The following TAF4B variants were observed in gnomAD, a reference collection of about 807,000 sequenced individuals.
TAF4B encodes transcription initiation factor TFIID subunit 4B.
TAF4B carries 38 observed loss-of-function variants against 86.4 expected under a neutral mutation model. That is an observed-to-expected ratio of 0.44 (90% CI 0.34 to 0.58). TAF4B has a LOEUF of 0.58. Ranked by LOEUF, TAF4B falls within the 20% of genes least tolerant of loss-of-function variation. The pLI is 0.02. For synonymous variants in TAF4B, 388 were observed against 391.2 expected, an observed-to-expected ratio of 0.99 and a Z score of 0.10; for missense variants, 988 against 1,027.6, an observed-to-expected ratio of 0.96 and a Z score of 0.53.
At chr18:26,235,400 A>G (rs2055734173) in intron 1 of TAF4B, among the ~76,000 whole-genome samples, 1 of 152,176 alleles carries the variant, frequency 6.6e-6, no homozygotes, top group African/African-American at 2.4e-5. Context: ...CCTCTGGCTA[A>G]GATTAGGCGT....
intron 14 of TAF4B, among the ~76,000 whole-genome samples, chr18:26,375,586 A>G (rs770969090): frequency 3.3e-5 from 5 of 152,124 alleles, no homozygotes; most frequent in Non-Finnish European, 7.4e-5. Context: ...TAAAAATTTT[A>G]TTACTGCCAT....
chr18:26,372,422 C>T (rs1394971053), intron 14 of TAF4B, among the ~76,000 whole-genome samples: 2 of 152,164 alleles, frequency 1.3e-5, no homozygotes, highest in Non-Finnish European at 2.9e-5. Context: ...CAAATCTATA[C>T]AATCCCTGAC....
intron 13 of TAF4B, among the ~76,000 whole-genome samples, chr18:26,356,742 A>T (rs2057291167): frequency 6.6e-6 from 1 of 151,292 alleles, no homozygotes; most frequent in Non-Finnish European, 1.5e-5. Flanking sequence ...CTTCTGAAAA[A>T]GCTTAGGGAT....
chr18:26,344,385 AAAAC>A (rs1360354186), intron 13 of TAF4B, among the ~76,000 whole-genome samples: 5 of 152,002 alleles, frequency 3.3e-5, no homozygotes, highest in Admixed American at 2.0e-4. Context: ...AAAAGGGAAA[AAAAC>A]CTGTGGAGAT....
In TAF4B at chr18:26,231,034, C is replaced by CTTTTTTTTTTTT. The variant is rs536863843; in HGVS notation, c.343+3772_343+3783dup. Among the ~76,000 whole-genome samples the CTTTTTTTTTTTT allele has an allele frequency of 3.0e-3, 197 of 66,154 alleles. 11 individuals are homozygous for CTTTTTTTTTTTT. Among genetic ancestry groups the CTTTTTTTTTTTT allele is most frequent in the Non-Finnish European group, 4.2e-3 (150 of 35,552 alleles). The allele number at this position is 66,154 out of a possible 152,430, so 43.4% of individuals were successfully genotyped here. On this transcript the variant is annotated intron_variant, in intron 1 of 14. Transcript: ENST00000269142. ...GACAAACTTGTGGTGTGTTGTTTTG[C>CTTTTTTTTTTTT]TTTTTTTTTTTTTTTTTTTTTTTTT...
At chr18:26,312,823 G>A (rs1400945726) in intron 9 of TAF4B, among the ~76,000 whole-genome samples, 1 of 152,190 alleles carries the variant, frequency 6.6e-6, no homozygotes, top group Admixed American at 6.5e-5. Context: ...CTTTAAAGCA[G>A]GGATGAGGTT....
At chr18:26,266,746 C>T (rs2056245208) in intron 2 of TAF4B, 2 of 152,316 alleles carry the variant, frequency 1.3e-5, no homozygotes, top group Middle Eastern at 3.4e-3. Context: ...CCTGTAGTCC[C>T]AGCTACGCGG....
In TAF4B at chr18:26,274,757, C is replaced by G; in HGVS notation, c.692C>G (p.Ser231Cys). Residue 231 changes from serine (S) to cysteine (C), a missense_variant, in exon 4 of 15, where the codon TCC (serine) becomes TGC (cysteine). Physicochemically the swap from Ser to Cys is moderately radical, Grantham distance 112. Transcript: ENST00000269142. ...AAGCCTTCAAGTTTGGGAGCATCATCCACTCCTTCAAATGAGCCCAATCTT... is the reference window on the plus strand; with the variant it reads ...AAGCCTTCAAGTTTGGGAGCATCATGCACTCCTTCAAATGAGCCCAATCTT... ...TLKPSSLGASSTPSNEPNLKA... is the reference protein window; with the variant it reads ...TLKPSSLGASCTPSNEPNLKA... 1 of 1,614,158 alleles carries G rather than the reference C, an allele frequency of 6.2e-7. No individual in the cohort carries two copies.
chr18:26,276,028 A>G (rs565664146), intron 5 of TAF4B, among the ~76,000 whole-genome samples: 83 of 151,314 alleles, frequency 5.5e-4, no homozygotes, highest in Admixed American at 9.9e-4. Context: ...AAAAAAAAAA[A>G]AAAAGAAAAG....
chr18:26,307,847 C>T (rs1390480678), intron 9 of TAF4B, among the ~76,000 whole-genome samples: 4 of 152,096 alleles, frequency 2.6e-5, no homozygotes, highest in African/African-American at 7.2e-5. Context: ...TGTATGCTCA[C>T]GCTTGTAATC....
At chr18:26,277,743 G>A (rs746778052) in intron 5 of TAF4B, among the ~76,000 whole-genome samples, 4 of 152,096 alleles carry the variant, frequency 2.6e-5, no homozygotes, top group African/African-American at 7.2e-5. Context: ...TTTTACCCAC[G>A]TATGATTTTT....
chr18:26,350,204 T>C (rs772482826), intron 13 of TAF4B, among the ~76,000 whole-genome samples: 3 of 151,946 alleles, frequency 2.0e-5, no homozygotes, highest in East Asian at 1.9e-4. Flanking sequence ...CAAAAATAAA[T>C]GGGATTATAT....
intron 1 of TAF4B, among the ~76,000 whole-genome samples, chr18:26,232,572 A>G (rs1222593861): frequency 6.6e-6 from 1 of 152,150 alleles, no homozygotes. Flanking sequence ...ATGTCGCCCA[A>G]CTCCAGAGGT....
chr18:26,389,073 A>G (rs1330104388), intron 14 of TAF4B, among the ~76,000 whole-genome samples: 1 of 150,884 alleles, frequency 6.6e-6, no homozygotes, highest in Non-Finnish European at 1.5e-5. Flanking sequence ...CGGCCTCCCA[A>G]AGTGCTGGGA....
At chr18:26,373,386 T>C (rs2057419837) in intron 14 of TAF4B, among the ~76,000 whole-genome samples, 1 of 152,194 alleles carries the variant, frequency 6.6e-6, no homozygotes, top group South Asian at 2.1e-4. Context: ...CCTGTTATTG[T>C]CACTCATACC....
chr18:26,285,222 G>GTTTTTGTTTTTGTTTTGTTTTTT lies in TAF4B; in HGVS notation c.973-655_973-654insGTTTTTGTTTTGTTTTTTTTTTT. Among the ~76,000 whole-genome samples, 2 of 45,660 alleles carry GTTTTTGTTTTTGTTTTGTTTTTT rather than the reference G, an allele frequency of 4.4e-5. 1 individual carries two copies. The highest frequency in any genetic ancestry group is 9.0e-5 in the Non-Finnish European group (2 of 22,272). 30.0% of individuals were successfully genotyped at this position (45,660 alleles called of 152,430 possible). On this transcript the variant is annotated intron_variant, in intron 6 of 14. Transcript: ENST00000269142. ...ATTTCTTCCTTTCCTTTTTTTTTTT[G>GTTTTTGTTTTTGTTTTGTTTTTT]TTTTTTTTTTTTTTGGAGATGGGGT...
intron 9 of TAF4B, chr18:26,304,728 A>T: frequency 1.0e-6 from 1 of 985,394 alleles, no homozygotes; most frequent in East Asian, 1.1e-4. Flanking sequence ...TTCCTTTAGG[A>T]TATGCTTATT....
chr18:26,260,621 G>A (rs1049467727), intron 1 of TAF4B, among the ~76,000 whole-genome samples: 2 of 152,076 alleles, frequency 1.3e-5, no homozygotes, highest in Admixed American at 1.3e-4. Context: ...TGAGGGCTCT[G>A]TTCTGTTCCA....
intron 7 of TAF4B, among the ~76,000 whole-genome samples, chr18:26,289,094 A>T (rs992707434): frequency 6.6e-6 from 1 of 152,196 alleles, no homozygotes; most frequent in Non-Finnish European, 1.5e-5. Context: ...AAACAACATA[A>T]ACCATTCTAT....
Sources: gnomAD v4.1 joint callset for allele counts (sites outside exome capture counted in the v4.1 genomes callset) on GRCh38, gnomAD v4.1.1 for gene constraint, MANE v1.5 for transcripts, NCBI Gene and HGNC (gene_info 2026-07-23, HGNC 2026-07-21) for gene names.